The following GRIK4 variants were observed in gnomAD, a reference collection of about 807,000 sequenced individuals.
GRIK4 encodes glutamate receptor ionotropic, kainate 4.
GRIK4 carries 40 observed loss-of-function variants against 104.9 expected under a neutral mutation model. The observed-to-expected ratio is 0.38, with a 90% CI of 0.30 to 0.50. The LOEUF (loss-of-function observed/expected upper bound fraction) is 0.50. GRIK4 is among the 20% of genes least tolerant of loss of function. The probability of loss-of-function intolerance (pLI) is 0.93; values close to 1 mark genes in which losing one functional copy is unlikely to be tolerated. For missense variants in GRIK4, 1,047 were observed against 1,308.1 expected (o/e 0.80, Z 3.08); for synonymous variants, 485 against 524.9 (o/e 0.92, Z 1.04).
At chr11:120,584,116 A>C (rs1264143929) in intron 1 of GRIK4, among the ~76,000 whole-genome samples, 1 of 152,180 alleles carries the variant, frequency 6.6e-6, no homozygotes, top group Non-Finnish European at 1.5e-5. Flanking sequence ...TTTTGAGCAG[A>C]GACTGTGGGG....
In GRIK4 at chr11:120,599,347, G is replaced by T. The variant is rs781086564; in HGVS notation, c.-158-54338G>T. On this transcript the variant is annotated intron_variant, in intron 1 of 20. Coordinates refer to ENST00000527524, the MANE Select transcript of GRIK4 (RefSeq NM_014619.5). The stretch of plus-strand genomic sequence containing the variant: ...GTGCATGTTTGGAGTTGGTGGTGGG[G>T]AAGGTCCCTGTTCTGGGCTTGAGGC... 2.0e-4 allele frequency among the ~76,000 whole-genome samples: 31 copies of T among 152,316 alleles called. No homozygotes were observed. The Middle Eastern group carries it at 0.024, about 117-fold the overall frequency.
intron 11 of GRIK4, among the ~76,000 whole-genome samples, chr11:120,885,587 G>A (rs190867778): frequency 6.6e-6 from 1 of 152,238 alleles, no homozygotes; most frequent in Non-Finnish European, 1.5e-5. Context: ...GTTTTGCCAT[G>A]TTGGTCAGGC....
intron 1 of GRIK4, among the ~76,000 whole-genome samples, chr11:120,622,468 C>T (rs1189342157): frequency 1.3e-5 from 2 of 152,316 alleles, no homozygotes; most frequent in Middle Eastern, 3.4e-3. Context: ...GAGCAAGACT[C>T]ACAGCAAGAA....
intron 1 of GRIK4, among the ~76,000 whole-genome samples, chr11:120,564,976 C>CGGGGGGGTG (rs1555140476): frequency 3.1e-5 from 3 of 97,272 alleles, no homozygotes; most frequent in African/African-American, 5.2e-5. Context: ...CCGCCGGCTG[C>CGGGGGGGTG]GGGGGGGTGG....
chr11:120,937,534 TC>T (rs1555098689), intron 13 of GRIK4, among the ~76,000 whole-genome samples: 4 of 152,180 alleles, frequency 2.6e-5, no homozygotes, highest in Non-Finnish European at 5.9e-5. Context: ...CACTGCCCTT[TC>T]CTGTCTCCTT....
chr11:120,674,781 C>A (rs527926573), intron 3 of GRIK4, among the ~76,000 whole-genome samples: 1 of 152,314 alleles, frequency 6.6e-6, no homozygotes, highest in Non-Finnish European at 1.5e-5. Context: ...AACATATAGC[C>A]CTGGGGGCCC....
chr11:120,905,550 C>T lies in GRIK4; in HGVS notation c.1476+57C>T. On this transcript the variant is annotated intron_variant, in intron 13 of 20. Coordinates refer to ENST00000527524, the MANE Select transcript of GRIK4 (RefSeq NM_014619.5). The surrounding 1 kb of genome is among the most constrained non-coding windows in gnomAD (Gnocchi z 5.1). Reference sequence around the variant, plus strand: ...GGTGGGCTGGGAGGGATTGGAAGAGCATGAGGTTGTGCTGCACGCTCATGA... The same window carrying T: ...GGTGGGCTGGGAGGGATTGGAAGAGTATGAGGTTGTGCTGCACGCTCATGA... The T allele has an allele frequency of 4.8e-6, 5 of 1,043,622 alleles. No individual in the cohort carries two copies. In the South Asian group the frequency reaches 6.3e-5, roughly 13 times the overall value. The allele number at this position is 1,043,622 out of a possible 1,614,324, so 64.6% of individuals were successfully genotyped here. A position where few individuals can be genotyped will look rare whatever the true frequency, so the allele number is the denominator to read the frequency against.
chr11:120,962,596 C>T lies in GRIK4; in HGVS notation c.2181C>T (p.Asn727=), dbSNP rs143561478. 6.9e-4 allele frequency: 1,112 copies of T among 1,613,972 alleles called. No individual in the cohort carries two copies. Among genetic ancestry groups the T allele is most frequent in the Non-Finnish European group, 8.6e-4 (1,011 of 1,179,970 alleles). Residue 727 remains asparagine (N), a synonymous_variant, in exon 18 of 21, where the codon AAC becomes AAT. Transcript: ENST00000527524. ...NYAFLLESTM[N]EYYRQRNCNL... ...CCTTCCTCCTGGAATCCACCATGAA[C>T]GAGTACTATCGGCAGCGAAACTGCA... is the stretch of plus-strand genomic sequence containing the variant.
intron 6 of GRIK4, among the ~76,000 whole-genome samples, chr11:120,830,898 T>A: frequency 1.6e-5 from 1 of 63,542 alleles, no homozygotes; most frequent in Non-Finnish European, 2.9e-5. Context: ...CCCCACCCCA[T>A]ACACACATAC....
intron 3 of GRIK4, among the ~76,000 whole-genome samples, chr11:120,690,416 T>TG (rs994465241): frequency 1.8e-4 from 28 of 152,198 alleles, no homozygotes; most frequent in African/African-American, 6.8e-4. Context: ...AAAGCACACA[T>TG]GGGGCTGAAA....
chr11:120,638,173 C>T (rs1003656409), intron 1 of GRIK4, among the ~76,000 whole-genome samples: 2 of 152,128 alleles, frequency 1.3e-5, no homozygotes, highest in Admixed American at 6.5e-5. Flanking sequence ...AGCCACTATA[C>T]CTGGTCATGT....
In GRIK4 at chr11:120,905,534, GGA is replaced by G; in HGVS notation, c.1476+43_1476+44del. ...GTGATCTGGGCCTGAGGGTGGGCTG[GGA>G]GGGATTGGAAGAGCATGAGGTTGTG... On this transcript the variant is annotated intron_variant, in intron 13 of 20. Coordinates refer to ENST00000527524, the MANE Select transcript of GRIK4 (RefSeq NM_014619.5). The surrounding 1 kb of genome is among the most constrained non-coding windows in gnomAD (Gnocchi z 5.1). 2.0e-6 allele frequency: 2 copies of G among 1,020,686 alleles called. No homozygotes were observed. The highest frequency in any genetic ancestry group is 1.5e-6 in the Non-Finnish European group (1 of 653,920). 63.2% of individuals were successfully genotyped at this position (1,020,686 alleles called of 1,614,324 possible).
intron 1 of GRIK4, among the ~76,000 whole-genome samples, chr11:120,580,573 C>CT (rs113719760): frequency 0.33 from 47,835 of 145,674 alleles, 8,956 homozygotes; most frequent in Non-Finnish European, 0.45. Flanking sequence ...GGCCTCCTTT[C>CT]TTTTTTTTTT....
chr11:120,799,014 G>T (rs892140191), intron 3 of GRIK4, among the ~76,000 whole-genome samples: 4 of 152,182 alleles, frequency 2.6e-5, no homozygotes, highest in Admixed American at 6.5e-5. Flanking sequence ...CCTTTGGTGT[G>T]TGCTGCCTCC....
intron 1 of GRIK4, among the ~76,000 whole-genome samples, chr11:120,527,971 CTTTTA>C (rs1358716261): frequency 2.6e-5 from 4 of 152,032 alleles, no homozygotes; most frequent in African/African-American, 9.7e-5. Context: ...CAAACAAGTC[CTTTTA>C]TTTTATTTTA....
intron 11 of GRIK4, among the ~76,000 whole-genome samples, chr11:120,890,013 A>G (rs1424036857): frequency 6.6e-6 from 1 of 152,192 alleles, no homozygotes; most frequent in Non-Finnish European, 1.5e-5. Flanking sequence ...TATAGGTAGC[A>G]AAATCAACTT....
chr11:120,643,135 C>T (rs761558121), intron 1 of GRIK4, among the ~76,000 whole-genome samples: 211 of 152,110 alleles, frequency 1.4e-3, no homozygotes, highest in Middle Eastern at 3.4e-3. Flanking sequence ...TCTAGGAGCT[C>T]GCTACTCTTT....
At chr11:120,888,039 G>T (rs980953762) in intron 11 of GRIK4, among the ~76,000 whole-genome samples, 17 of 152,070 alleles carry the variant, frequency 1.1e-4, no homozygotes, top group African/African-American at 3.9e-4. Flanking sequence ...TTTCTCTGCC[G>T]CCTAGCCTCC....
intron 13 of GRIK4, among the ~76,000 whole-genome samples, chr11:120,912,901 A>C (rs1943031348): frequency 6.6e-6 from 1 of 152,160 alleles, no homozygotes; most frequent in African/African-American, 2.4e-5. Context: ...CATTCAGAAA[A>C]GGGTTTTGGA....
Sources: allele counts gnomAD v4.1 joint callset (sites outside exome capture counted in the v4.1 genomes callset), GRCh38; gene constraint gnomAD v4.1.1; non-coding constraint Gnocchi (gnomAD v3.1); transcripts MANE v1.5; gene names NCBI Gene and HGNC (gene_info 2026-07-23, HGNC 2026-07-21).